The following C12orf75 variants were observed in gnomAD, a reference collection of about 807,000 sequenced individuals.
C12orf75 encodes overexpressed in colon carcinoma 1 protein.
C12orf75 carries 4 observed loss-of-function variants against 11.4 expected under a neutral mutation model. That is an observed-to-expected ratio of 0.35 (90% CI 0.17 to 0.80). The LOEUF (loss-of-function observed/expected upper bound fraction) is 0.80. Among genes scored for constraint, C12orf75 ranks in the 30% least tolerant of loss-of-function variants. The pLI is 0.52. For missense variants in C12orf75, 89 were observed against 80.4 expected (o/e 1.11, Z -0.41); for synonymous variants, 30 against 30.0 (o/e 1.00, Z 0.00).
chr12:105,370,752 A>C lies in C12orf75; in HGVS notation c.*152A>C. 2.2e-6 allele frequency: 1 copy of C among 457,578 alleles called. No homozygotes were observed. The highest frequency in any genetic ancestry group is 4.4e-6 in the Non-Finnish European group (1 of 226,770). The allele number at this position is 457,578 out of a possible 1,614,324, so 28.3% of individuals were successfully genotyped here. A position where few individuals can be genotyped will look rare whatever the true frequency, so the allele number is the denominator to read the frequency against. On this transcript the variant is annotated 3_prime_UTR_variant, in exon 6 of 6. Transcript: ENST00000443585. ...TTGCATTCCCCCAAATCTTAAGTGT[A>C]TACATAAAACCCTGGGTACATATTG...
chr12:105,346,293 G>T (rs1282400375), intron 1 of C12orf75, among the ~76,000 whole-genome samples: 1 of 152,120 alleles, frequency 6.6e-6, no homozygotes, highest in Non-Finnish European at 1.5e-5. Flanking sequence ...GTGTTCTCCA[G>T]ACCTTCTGAG....
intron 3 of C12orf75, 36 bp from the exon 4 acceptor site, chr12:105,366,581 G>A (rs1871478713): frequency 8.7e-6 from 9 of 1,031,778 alleles, no homozygotes; most frequent in Non-Finnish European, 1.3e-5. Flanking sequence ...TAAATAGATA[G>A]TACCATTTAA....
intron 2 of C12orf75, among the ~76,000 whole-genome samples, chr12:105,357,778 CTGTGTGTGTGTGTG>C (rs67643973): frequency 1.5e-5 from 2 of 137,244 alleles, no homozygotes; most frequent in East Asian, 2.1e-4. Flanking sequence ...AATGTATTTT[CTGTGTGTGTGTGTG>C]TGTGTGTGTG....
chr12:105,365,742 A>G, intron 2 of C12orf75, 65 bp from the exon 3 acceptor site: 2 of 1,156,642 alleles, frequency 1.7e-6, no homozygotes, highest in African/African-American at 1.5e-5. Flanking sequence ...TTTTTCTCAT[A>G]ACCAAAAATG....
At chr12:105,365,739 C>A in intron 2 of C12orf75, 68 bp from the exon 3 acceptor site, 1 of 1,131,482 alleles carries the variant, frequency 8.8e-7, no homozygotes, top group Non-Finnish European at 1.3e-6. Context: ...CCCTTTTTCT[C>A]ATAACCAAAA....
chr12:105,363,970 G>C (rs1384316955), intron 2 of C12orf75, among the ~76,000 whole-genome samples: 2 of 152,178 alleles, frequency 1.3e-5, no homozygotes, highest in African/African-American at 2.4e-5. Flanking sequence ...ATTTGGGAAA[G>C]TGAAAATATA....
At chr12:105,337,646 A>G (rs1158001559) in intron 1 of C12orf75, among the ~76,000 whole-genome samples, 1 of 152,218 alleles carries the variant, frequency 6.6e-6, no homozygotes, top group Non-Finnish European at 1.5e-5. Context: ...GTCAAAGGCC[A>G]GGTCTTTAGG....
At chr12:105,353,215 A>G (rs111507486) in intron 2 of C12orf75, among the ~76,000 whole-genome samples, 33 of 152,370 alleles carry the variant, frequency 2.2e-4, no homozygotes, top group African/African-American at 7.0e-4. Context: ...ATCAAACAAC[A>G]GGAAGAAATT....
chr12:105,366,397 TCTA>T (rs1448395576), intron 3 of C12orf75: 2 of 378,190 alleles, frequency 5.3e-6, no homozygotes, highest in East Asian at 4.0e-5. Flanking sequence ...ATCTAAAAAT[TCTA>T]CTAACGCAAT....
At chr12:105,363,768 G>C (rs1261940073) in intron 2 of C12orf75, among the ~76,000 whole-genome samples, 1 of 151,668 alleles carries the variant, frequency 6.6e-6, no homozygotes, top group East Asian at 1.9e-4. Context: ...AGTCTTTATA[G>C]GTAGTATTTT....
At chr12:105,358,428 G>A (rs1435675407) in intron 2 of C12orf75, among the ~76,000 whole-genome samples, 1 of 152,154 alleles carries the variant, frequency 6.6e-6, no homozygotes, top group Middle Eastern at 3.2e-3. Flanking sequence ...GGCCGAGATG[G>A]GAGCATCGCT....
At chr12:105,331,941 G>A (rs2136138135) in intron 1 of C12orf75, among the ~76,000 whole-genome samples, 1 of 152,312 alleles carries the variant, frequency 6.6e-6, no homozygotes, top group East Asian at 1.9e-4. Flanking sequence ...GGAGGCCCTG[G>A]CAATGACTTT....
rs573163398 is a variant in C12orf75, at chr12:105,337,963, G to A, written c.46+7026G>A. 4.6e-4 allele frequency among the ~76,000 whole-genome samples: 70 copies of A among 151,990 alleles called. 1 individual carries two copies. Among genetic ancestry groups the A allele is most frequent in the African/African-American group, 1.6e-3 (65 of 41,442 alleles). ...TAGTTATCTTGGCTTCCATGTTAGAGTAAGAGAAAAAAAACCTATGAAATT... is the reference window on the plus strand; with the variant it reads ...TAGTTATCTTGGCTTCCATGTTAGAATAAGAGAAAAAAAACCTATGAAATT... On this transcript the variant is annotated intron_variant, in intron 1 of 5. Transcript: ENST00000443585.
At chr12:105,348,768 C>A in intron 2 of C12orf75, 142 bp downstream of exon 2, 1 of 500,028 alleles carries the variant, frequency 2.0e-6, no homozygotes, top group South Asian at 4.7e-5. Flanking sequence ...TCAAGATGAT[C>A]GTTGTAACTA....
At chr12:105,349,584 C>G (rs1025927785) in intron 2 of C12orf75, among the ~76,000 whole-genome samples, 1 of 152,086 alleles carries the variant, frequency 6.6e-6, no homozygotes, top group Non-Finnish European at 1.5e-5. Flanking sequence ...TGGTCAAATA[C>G]CAAAAATAGG....
At chr12:105,368,515 A>G (rs1410589910) in intron 5 of C12orf75, among the ~76,000 whole-genome samples, 1 of 152,208 alleles carries the variant, frequency 6.6e-6, no homozygotes, top group Non-Finnish European at 1.5e-5. Flanking sequence ...ATTAAATATG[A>G]AATAAATGTT....
chr12:105,364,437 C>G (rs1288439491), intron 2 of C12orf75, among the ~76,000 whole-genome samples: 4 of 152,200 alleles, frequency 2.6e-5, no homozygotes, highest in African/African-American at 9.7e-5. Context: ...GCACTCTCTT[C>G]CAGTATTAGC....
In C12orf75 at chr12:105,330,813, G is replaced by T. The variant is rs1161918554; in HGVS notation, c.-79G>T. The T allele has an allele frequency of 2.5e-6, 3 of 1,215,492 alleles. No individual in the cohort carries two copies. The highest frequency in any genetic ancestry group is 3.2e-5 in the African/African-American group (2 of 63,356). 75.3% of individuals were successfully genotyped at this position (1,215,492 alleles called of 1,614,324 possible). ...CCCGTCAGCCTCCCGCTCGGGGTGC[G>T]CCGCCCTTCGTCTGGGTCTCCGCCC... On this transcript the variant is annotated 5_prime_UTR_variant, in exon 1 of 6. Transcript: ENST00000443585.
At chr12:105,355,958 G>A (rs1298293928) in intron 2 of C12orf75, among the ~76,000 whole-genome samples, 1 of 152,166 alleles carries the variant, frequency 6.6e-6, no homozygotes, top group Non-Finnish European at 1.5e-5. Flanking sequence ...CCTTTGAAGT[G>A]AATGTTACTC....
Sources: gnomAD v4.1 joint callset for allele counts (sites outside exome capture counted in the v4.1 genomes callset) on GRCh38, gnomAD v4.1.1 for gene constraint, MANE v1.5 for transcripts, NCBI Gene and HGNC (gene_info 2026-07-23, HGNC 2026-07-21) for gene names.